QRSL1: variants seen among roughly 807,000 people sequenced by gnomAD.
The protein encoded by QRSL1 is glutamyl-tRNA(Gln) amidotransferase subunit A, mitochondrial.
Under a neutral mutation model 61.6 loss-of-function variants are expected in QRSL1, and 54 were observed. The ratio of observed to expected loss-of-function variants is 0.88; its 90% CI spans 0.70 to 1.10. QRSL1 has a LOEUF of 1.10. Ranked by LOEUF, QRSL1 falls within the 50% of genes least tolerant of loss-of-function variation. The pLI, the probability that QRSL1 is intolerant of heterozygous loss-of-function variation, is 0.00. For synonymous variants in QRSL1, 228 were observed against 225.7 expected, an observed-to-expected ratio of 1.01 and a Z score of -0.09; for missense variants, 505 against 622.6, an observed-to-expected ratio of 0.81 and a Z score of 2.01.
chr6:106,656,354 G>T (rs1777271310), intron 9 of QRSL1, among the ~76,000 whole-genome samples: 1 of 152,202 alleles, frequency 6.6e-6, no homozygotes, highest in African/African-American at 2.4e-5. Context: ...GCAGAGAGTT[G>T]TATTGTCTCT....
chr6:106,638,080 A>G (rs1776951583), intron 1 of QRSL1, among the ~76,000 whole-genome samples: 3 of 152,204 alleles, frequency 2.0e-5, no homozygotes, highest in Non-Finnish European at 2.9e-5. Flanking sequence ...GGAGTCAAGG[A>G]AGGAGAGAAA....
At position 106,667,484 on chromosome 6, in the gene QRSL1, A is replaced by G. The variant is rs950540991; in HGVS notation, c.*1482A>G. ...AGGTATTTTAATCTAGCACTTACAT[A>G]TTGTTGATAAATGAAAGCTGAATTG... is the stretch of plus-strand genomic sequence containing the variant. On this transcript the variant is annotated 3_prime_UTR_variant, in exon 11 of 11. Coordinates refer to ENST00000369046, the MANE Select transcript of QRSL1 (RefSeq NM_018292.5). The G allele has an allele frequency of 6.6e-6, 1 of 152,166 alleles. No individual in the cohort carries two copies. Among genetic ancestry groups the G allele is most frequent in the Non-Finnish European group, 1.5e-5 (1 of 68,034 alleles). The allele number at this position is 152,166 out of a possible 1,614,324, so 9.4% of individuals were successfully genotyped here.
chr6:106,634,618 T>G (rs1458269966), intron 1 of QRSL1, among the ~76,000 whole-genome samples: 1 of 151,952 alleles, frequency 6.6e-6, no homozygotes, highest in Non-Finnish European at 1.5e-5. Context: ...ATACAAAAAT[T>G]AGCTGGGCAT....
rs576474218 is a variant in QRSL1, at chr6:106,644,236, G to A, written c.380+1146G>A. On this transcript the variant is annotated intron_variant, in intron 4 of 10. Coordinates refer to ENST00000369046, the MANE Select transcript of QRSL1 (RefSeq NM_018292.5). ...AGACAGGGTCTCACTGGGTTTCCCA[G>A]GCTGATCTCAAACTCCTGGACTCAA... Among the ~76,000 whole-genome samples, 3 of 152,232 alleles carry A rather than the reference G, an allele frequency of 2.0e-5. No individual in the cohort carries two copies. The East Asian group carries it at 5.8e-4, about 29-fold the overall frequency.
chr6:106,640,381 A>G lies in QRSL1; in HGVS notation c.57A>G (p.Thr19=). The part of the protein sequence containing the change: ...VSAALKQGQI[T]PTELCQKCLS... ...CGGCACTGAAACAAGGCCAAATTAC[A>G]CCAACAGAGCTCTGTCAAAAATGTC... Residue 19 remains threonine, a synonymous_variant, in exon 2 of 11, where the codon ACA becomes ACG. Transcript: ENST00000369046. The G allele has an allele frequency of 6.2e-7, 1 of 1,613,356 alleles. No homozygotes were observed. The highest frequency in any genetic ancestry group is 8.5e-7 in the Non-Finnish European group (1 of 1,179,516).
chr6:106,655,916 A>C (rs574107226), intron 9 of QRSL1, among the ~76,000 whole-genome samples, 184 bp downstream of exon 9: 25 of 152,328 alleles, frequency 1.6e-4, no homozygotes, highest in Non-Finnish European at 3.5e-4. Context: ...TTGGTACTTT[A>C]GCTAAATGAT....
intron 4 of QRSL1, among the ~76,000 whole-genome samples, chr6:106,643,593 T>A (rs1777057986): frequency 6.6e-6 from 1 of 151,002 alleles, no homozygotes; most frequent in East Asian, 2.0e-4. Context: ...GGCGGGAGAA[T>A]CGCTTGAACC....
intron 1 of QRSL1, among the ~76,000 whole-genome samples, chr6:106,631,928 GTACCCA>G (rs1776840440): frequency 6.6e-6 from 1 of 151,924 alleles, no homozygotes; most frequent in South Asian, 2.1e-4. Flanking sequence ...ACTATATTTT[GTACCCA>G]TTACCCATCC....
chr6:106,642,859 G>T (rs538310211), intron 3 of QRSL1, 135 bp from the exon 4 acceptor site: 3 of 778,650 alleles, frequency 3.9e-6, no homozygotes, highest in South Asian at 2.9e-5. Flanking sequence ...CCAGAGAAGC[G>T]CACTGTGTGA....
Position 106,640,221 on chromosome 6 carries a change from T to G in QRSL1, c.25-128T>G, listed in dbSNP as rs1192958718. ...TAAGTGTAGAGGTAATAGGTTCTCT[T>G]GATTTTGAACCCAAGCCTCACTTTA... On this transcript the variant is annotated intron_variant, in intron 1 of 10. Transcript: ENST00000369046. 3.8e-6 allele frequency: 3 copies of G among 790,444 alleles called. No homozygotes were observed. In the Admixed American group the frequency reaches 7.6e-5, roughly 20 times the overall value. The allele number at this position is 790,444 out of a possible 1,614,324, so 49.0% of individuals were successfully genotyped here.
At chr6:106,656,581 C>T (rs955067636) in intron 9 of QRSL1, among the ~76,000 whole-genome samples, 4 of 152,244 alleles carry the variant, frequency 2.6e-5, no homozygotes, top group Admixed American at 2.6e-4. Context: ...TGAAGAGCTT[C>T]TTGGAGTTTT....
At chr6:106,652,830 C>G in intron 7 of QRSL1, 2 of 1,330,216 alleles carry the variant, frequency 1.5e-6, no homozygotes, top group East Asian at 5.1e-5. Flanking sequence ...TAAATTGTTT[C>G]TGTAATGGGC....
intron 4 of QRSL1, among the ~76,000 whole-genome samples, chr6:106,647,565 AAAAAAAAGAG>A: frequency 6.6e-6 from 1 of 151,060 alleles, no homozygotes; most frequent in Non-Finnish European, 1.5e-5. Flanking sequence ...TCAAAAAAAA[AAAAAAAAGAG>A]AGAGACAATG....
chr6:106,652,005 A>G (rs1409638444), intron 5 of QRSL1, among the ~76,000 whole-genome samples: 1 of 152,224 alleles, frequency 6.6e-6, no homozygotes, highest in Non-Finnish European at 1.5e-5. Flanking sequence ...TAATATGCCA[A>G]AATGTTAACA....
chr6:106,665,121 T>A (rs1028392322), intron 10 of QRSL1, among the ~76,000 whole-genome samples: 14 of 152,202 alleles, frequency 9.2e-5, no homozygotes, highest in Non-Finnish European at 1.3e-4. Flanking sequence ...GTTATATGTA[T>A]CCTTTAAAAC....
At chr6:106,635,908 C>A (rs1404659590) in intron 1 of QRSL1, among the ~76,000 whole-genome samples, 1 of 151,962 alleles carries the variant, frequency 6.6e-6, no homozygotes, top group Non-Finnish European at 1.5e-5. Flanking sequence ...CTAAGTGTAC[C>A]TCTAATGCTG....
At chr6:106,637,274 G>T (rs148172677) in intron 1 of QRSL1, among the ~76,000 whole-genome samples, 1 of 152,204 alleles carries the variant, frequency 6.6e-6, no homozygotes, top group Non-Finnish European at 1.5e-5. Flanking sequence ...GATGTATATA[G>T]TCTAGACAGT....
intron 5 of QRSL1, among the ~76,000 whole-genome samples, chr6:106,649,427 C>A (rs1047099211): frequency 6.6e-6 from 1 of 152,250 alleles, no homozygotes; most frequent in African/African-American, 2.4e-5. Context: ...TCCATAGTAT[C>A]TGGTTCTCTT....
chr6:106,637,388 G>A (rs1272593052), intron 1 of QRSL1, among the ~76,000 whole-genome samples: 3 of 152,232 alleles, frequency 2.0e-5, no homozygotes, highest in Non-Finnish European at 2.9e-5. Flanking sequence ...CTTGAAATAT[G>A]ATGTGAACAA....
Sources: gnomAD v4.1 joint callset for allele counts (sites outside exome capture counted in the v4.1 genomes callset) on GRCh38, gnomAD v4.1.1 for gene constraint, MANE v1.5 for transcripts, NCBI Gene and HGNC (gene_info 2026-07-23, HGNC 2026-07-21) for gene names.